The following PTPRD variants were observed in gnomAD, a reference collection of about 807,000 sequenced individuals.
PTPRD encodes the protein receptor-type tyrosine-protein phosphatase delta.
A neutral mutation model predicts 214.5 loss-of-function variants in PTPRD; 34 were observed. The observed-to-expected ratio is 0.16, with a 90% confidence interval of 0.12 to 0.21. PTPRD has a LOEUF of 0.21. Among genes scored for constraint, PTPRD ranks in the 10% least tolerant of loss-of-function variants. PTPRD has a pLI of 1.00. For missense variants in PTPRD, 2,545 were observed against 2,398.7 expected (o/e 1.06, Z -1.27); for synonymous variants, 1,128 against 845.7 (o/e 1.33, Z -5.79).
chr9:10,397,526 C>T (rs906872058), intron 2 of PTPRD, among the ~76,000 whole-genome samples: 1 of 151,982 alleles, frequency 6.6e-6, no homozygotes, highest in Non-Finnish European at 1.5e-5. Context: ...AAATTATTTA[C>T]ATATATAGTC....
Position 8,695,073 on chromosome 9 carries a change from C to G in PTPRD, c.64+38707G>C, listed in dbSNP as rs559594106. 4.8e-4 allele frequency among the ~76,000 whole-genome samples: 73 copies of G among 152,312 alleles called. No homozygotes were observed. The South Asian group carries it at 8.1e-3, about 17-fold the overall frequency. On this transcript the variant is annotated intron_variant, in intron 12 of 45. Coordinates refer to ENST00000381196, the MANE Select transcript of PTPRD (RefSeq NM_002839.4). ...AATCGCTCAGTCTTTTCCCATCCGT[C>G]TGTCCCCTCTGCCTTTCTCATTGTG...
intron 11 of PTPRD, among the ~76,000 whole-genome samples, chr9:8,827,949 G>C (rs1318857010): frequency 6.6e-6 from 1 of 151,934 alleles, no homozygotes. Flanking sequence ...CATTTAATTA[G>C]TACTTATCAC....
At chr9:10,398,093 C>T (rs548745368) in intron 2 of PTPRD, among the ~76,000 whole-genome samples, 1 of 151,488 alleles carries the variant, frequency 6.6e-6, no homozygotes, top group South Asian at 2.1e-4. Flanking sequence ...ATATGTTAAC[C>T]AGAACCAGGT....
At chr9:9,303,340 A>T (rs1956112473) in intron 9 of PTPRD, among the ~76,000 whole-genome samples, 1 of 152,046 alleles carries the variant, frequency 6.6e-6, no homozygotes, top group African/African-American at 2.4e-5. Flanking sequence ...TAAAAATCAC[A>T]TATGGGGAAT....
chr9:10,391,625 C>A (rs1025997897), intron 2 of PTPRD, among the ~76,000 whole-genome samples: 4 of 151,766 alleles, frequency 2.6e-5, no homozygotes, highest in African/African-American at 9.7e-5. Flanking sequence ...TCAAACCTTT[C>A]CTTGCTCCAA....
At chr9:9,016,667 C>G (rs444291) in intron 11 of PTPRD, among the ~76,000 whole-genome samples, 48,104 of 151,906 alleles carry the variant, frequency 0.32, 8,121 homozygotes, top group African/African-American at 0.41. Context: ...CCCTAAATGA[C>G]TTAAAAAATG....
chr9:8,979,507 C>A (rs2099294535), intron 11 of PTPRD, among the ~76,000 whole-genome samples: 1 of 151,884 alleles, frequency 6.6e-6, no homozygotes, highest in Non-Finnish European at 1.5e-5. Context: ...GACTACTATC[C>A]AAAATTTATA....
At chr9:9,693,115 T>C (rs1477024213) in intron 7 of PTPRD, among the ~76,000 whole-genome samples, 1 of 152,044 alleles carries the variant, frequency 6.6e-6, no homozygotes, top group Non-Finnish European at 1.5e-5. Context: ...CTTTATTTCT[T>C]TCTCTTGTCT....
rs968865036 is a variant in PTPRD, at chr9:10,222,959, G to A, written c.-545+118004C>T. On this transcript the variant is annotated intron_variant, in intron 3 of 45. Transcript: ENST00000381196. ...GGCAGTGGTAGTGGGGTCAGAAGAG[G>A]TGTTGAGGTTCTATACCAAGCCAGA... Among the ~76,000 whole-genome samples, 3 of 152,028 alleles carry A rather than the reference G, an allele frequency of 2.0e-5. No individual in the cohort carries two copies. The East Asian group carries it at 5.8e-4, about 29-fold the overall frequency.
At chr9:8,703,371 C>T (rs566827387) in intron 12 of PTPRD, among the ~76,000 whole-genome samples, 2 of 152,254 alleles carry the variant, frequency 1.3e-5, no homozygotes, top group African/African-American at 4.8e-5. Flanking sequence ...ATTCTCTGTT[C>T]CACTTCTCCC....
At chr9:8,765,472 C>T (rs2094664123) in intron 11 of PTPRD, among the ~76,000 whole-genome samples, 1 of 152,306 alleles carries the variant, frequency 6.6e-6, no homozygotes, top group South Asian at 2.1e-4. Context: ...TGAGAAAAAC[C>T]AATCCCTGCC....
At chr9:9,387,297 A>G (rs2064187221) in intron 9 of PTPRD, among the ~76,000 whole-genome samples, 1 of 152,164 alleles carries the variant, frequency 6.6e-6, no homozygotes, top group African/African-American at 2.4e-5. Context: ...TGTTGAGAGA[A>G]TTTCTATTAA....
chr9:10,594,154 A>G (rs1483589224), intron 2 of PTPRD, among the ~76,000 whole-genome samples: 1 of 151,982 alleles, frequency 6.6e-6, no homozygotes, highest in African/African-American at 2.4e-5. Context: ...ATATGCCTAA[A>G]CAAGCAGATT....
At chr9:8,956,205 T>G (rs1446125058) in intron 11 of PTPRD, among the ~76,000 whole-genome samples, 1 of 151,792 alleles carries the variant, frequency 6.6e-6, no homozygotes, top group Non-Finnish European at 1.5e-5. Context: ...ATTAGAAATA[T>G]TTTTCTTGAA....
chr9:9,964,490 T>C (rs1367915250), intron 4 of PTPRD, among the ~76,000 whole-genome samples: 3 of 152,144 alleles, frequency 2.0e-5, no homozygotes, highest in Non-Finnish European at 4.4e-5. Context: ...AGGACAATAG[T>C]TTCCTTCGCA....
At chr9:9,092,984 G>C (rs2099778426) in intron 10 of PTPRD, among the ~76,000 whole-genome samples, 1 of 151,820 alleles carries the variant, frequency 6.6e-6, no homozygotes, top group African/African-American at 2.4e-5. Context: ...CAAATGAAAA[G>C]TACAAAAGAA....
intron 5 of PTPRD, among the ~76,000 whole-genome samples, chr9:9,927,455 TATTG>T (rs769154153): frequency 2.6e-5 from 4 of 152,126 alleles, no homozygotes; most frequent in Non-Finnish European, 4.4e-5. Context: ...ACATCTGCCC[TATTG>T]GATTTATATC....
chr9:9,936,097 A>C (rs921243300), intron 5 of PTPRD, among the ~76,000 whole-genome samples: 3 of 146,662 alleles, frequency 2.0e-5, no homozygotes, highest in African/African-American at 5.5e-5. Flanking sequence ...TTAAAGACTT[A>C]AACGTTCGAC....
At chr9:9,150,118 G>A (rs890286163) in intron 10 of PTPRD, among the ~76,000 whole-genome samples, 9 of 152,038 alleles carry the variant, frequency 5.9e-5, no homozygotes, top group Non-Finnish European at 1.2e-4. Flanking sequence ...CTTGTTTTTT[G>A]AAAACTTAAA....
Sources: allele counts gnomAD v4.1 joint callset (sites outside exome capture counted in the v4.1 genomes callset), GRCh38; gene constraint gnomAD v4.1.1; transcripts MANE v1.5; gene names NCBI Gene and HGNC (gene_info 2026-07-23, HGNC 2026-07-21).